ROBO1: variants seen among roughly 807,000 people sequenced by gnomAD.
ROBO1 encodes the protein roundabout homolog 1.
In ROBO1, 149 loss-of-function variants were observed where a neutral mutation model predicts 195.9. That is an observed-to-expected ratio of 0.76 (90% CI 0.67 to 0.87). The LOEUF (loss-of-function observed/expected upper bound fraction) is 0.87. Ranked by LOEUF, ROBO1 falls within the 40% of genes least tolerant of loss-of-function variation. The pLI is 0.00. For synonymous variants in ROBO1, 816 were observed against 733.2 expected (o/e 1.11, Z -1.82); for missense variants, 1,933 against 2,068.3 (o/e 0.93, Z 1.27).
intron 4 of ROBO1, among the ~76,000 whole-genome samples, chr3:78,765,129 C>T (rs6774692): frequency 0.047 from 7,137 of 151,982 alleles, 553 homozygotes; most frequent in African/African-American, 0.16. Context: ...AGCACGTCAC[C>T]ATCAATTTTC....
chr3:79,718,363 G>A (rs781547522), intron 1 of ROBO1, among the ~76,000 whole-genome samples: 2 of 151,752 alleles, frequency 1.3e-5, no homozygotes, highest in Admixed American at 6.6e-5. Context: ...ATTGTATATC[G>A]CTCCTGAAAT....
At chr3:79,367,855 T>A (rs2036035518) in intron 2 of ROBO1, among the ~76,000 whole-genome samples, 1 of 152,212 alleles carries the variant, frequency 6.6e-6, no homozygotes, top group African/African-American at 2.4e-5. Context: ...TATACAGGGA[T>A]CGTGCTTGTT....
At chr3:78,961,568 T>G (rs371127224) in intron 3 of ROBO1, among the ~76,000 whole-genome samples, 10 of 152,268 alleles carry the variant, frequency 6.6e-5, no homozygotes, top group South Asian at 4.2e-4. Flanking sequence ...CCCACAACAT[T>G]CTGAAGTGGG....
chr3:78,853,466 T>TGC (rs1258604543), intron 4 of ROBO1, among the ~76,000 whole-genome samples: 1 of 147,426 alleles, frequency 6.8e-6, no homozygotes, highest in Non-Finnish European at 1.5e-5. Flanking sequence ...GTGTGGGGTG[T>TGC]GTGTGTGTGT....
chr3:79,454,224 A>T (rs1378937580), intron 2 of ROBO1, among the ~76,000 whole-genome samples: 5 of 151,708 alleles, frequency 3.3e-5, no homozygotes, highest in Non-Finnish European at 7.4e-5. Context: ...AAATGATTTC[A>T]TTACATGAAG....
chr3:79,762,623 C>CACACACACACACAT lies in ROBO1; in HGVS notation c.-51+5128_-51+5129insATGTGTGTGTGTGT, dbSNP rs1704768091. Among the ~76,000 whole-genome samples the CACACACACACACAT allele has an allele frequency of 3.4e-5, 5 of 148,086 alleles. No homozygotes were observed. The South Asian group carries it at 1.1e-3, about 32-fold the overall frequency. The stretch of plus-strand genomic sequence containing the variant: ...AATTCTGGACAAACACACACACACA[C>CACACACACACACAT]ACACACACAAAAGCCGAGAGGAATG... On this transcript the variant is annotated intron_variant, in intron 1 of 30. Transcript: ENST00000464233.
chr3:78,961,473 C>G (rs891959940), intron 3 of ROBO1, among the ~76,000 whole-genome samples: 17 of 152,276 alleles, frequency 1.1e-4, no homozygotes, highest in African/African-American at 4.1e-4. Context: ...TTTAAATTAT[C>G]TCATTTATCT....
intron 3 of ROBO1, among the ~76,000 whole-genome samples, chr3:79,112,390 G>A (rs532427824): frequency 2.8e-4 from 43 of 152,196 alleles, no homozygotes; most frequent in Non-Finnish European, 5.3e-4. Context: ...GGAAGTAACC[G>A]CCACTGAAAT....
intron 4 of ROBO1, among the ~76,000 whole-genome samples, chr3:78,900,809 A>G (rs2037539585): frequency 6.6e-6 from 1 of 152,196 alleles, no homozygotes; most frequent in South Asian, 2.1e-4. Context: ...ATAAATTTAA[A>G]TGTTACTTTT....
intron 2 of ROBO1, among the ~76,000 whole-genome samples, chr3:79,547,760 T>C (rs7623617): frequency 0.58 from 87,555 of 151,990 alleles, 26,691 homozygotes; most frequent in African/African-American, 0.79. Flanking sequence ...TTGTTAGGAT[T>C]GTGGGAATCC....
At chr3:79,274,268 A>AT (rs949444607) in intron 2 of ROBO1, among the ~76,000 whole-genome samples, 6 of 151,050 alleles carry the variant, frequency 4.0e-5, no homozygotes, top group African/African-American at 7.3e-5. Flanking sequence ...GTTAGGCCAC[A>AT]TTTTTTTTTA....
At chr3:79,755,088 C>A (rs1351826010) in intron 1 of ROBO1, among the ~76,000 whole-genome samples, 4 of 152,162 alleles carry the variant, frequency 2.6e-5, no homozygotes, top group South Asian at 2.1e-4. Context: ...CCATGTTGGT[C>A]AGGCTATTCT....
chr3:79,320,435 C>T lies in ROBO1; in HGVS notation c.89-194896G>A, dbSNP rs535784810. Among the ~76,000 whole-genome samples, 75 of 152,252 alleles carry T rather than the reference C, an allele frequency of 4.9e-4. No homozygotes were observed. The South Asian group carries it at 0.015, about 31-fold the overall frequency. On this transcript the variant is annotated intron_variant, in intron 2 of 30. Coordinates refer to ENST00000464233, the MANE Select transcript of ROBO1 (RefSeq NM_002941.4). ...CCTTGACCTCCTGGGCTCAAGTCAT[C>T]CTCCCACCTCAGCCCCTGAGTAGCT...
intron 3 of ROBO1, among the ~76,000 whole-genome samples, chr3:78,992,245 A>G (rs989444713): frequency 6.6e-6 from 1 of 152,202 alleles, no homozygotes; most frequent in Non-Finnish European, 1.5e-5. Context: ...AAGTGATACC[A>G]ATCCTGGATC....
chr3:79,095,483 A>C (rs1052150176), intron 3 of ROBO1, among the ~76,000 whole-genome samples: 1 of 151,982 alleles, frequency 6.6e-6, no homozygotes, highest in Non-Finnish European at 1.5e-5. Context: ...TATGTGAGTG[A>C]GTCTTCCTGG....
intron 2 of ROBO1, among the ~76,000 whole-genome samples, chr3:79,454,062 A>G (rs1361738384): frequency 1.3e-5 from 2 of 152,024 alleles, no homozygotes; most frequent in South Asian, 2.1e-4. Context: ...ACTCTTATCT[A>G]TAGTCTAATT....
At chr3:79,389,875 T>C (rs746456696) in intron 2 of ROBO1, among the ~76,000 whole-genome samples, 9 of 152,158 alleles carry the variant, frequency 5.9e-5, no homozygotes, top group South Asian at 2.1e-4. Context: ...TGAAACAAGA[T>C]GCTTGGGACA....
In ROBO1 at chr3:79,660,837, C is replaced by T. The variant is rs148615518; in HGVS notation, c.-50-70876G>A. On this transcript the variant is annotated intron_variant, in intron 1 of 30. Transcript: ENST00000464233. ...AAGCAGACTCCTCAGAAGTCAGAGT[C>T]TGTGTTATGCCACGTAGTTACCAAG... Among the ~76,000 whole-genome samples, 391 of 152,180 alleles carry T rather than the reference C, an allele frequency of 2.6e-3. 5 individuals carry two copies. The highest frequency in any genetic ancestry group is 8.2e-3 in the African/African-American group (339 of 41,536).
intron 3 of ROBO1, among the ~76,000 whole-genome samples, chr3:78,969,728 C>T (rs1245467853): frequency 6.6e-6 from 1 of 152,116 alleles, no homozygotes; most frequent in Non-Finnish European, 1.5e-5. Flanking sequence ...TGAAGTTTGA[C>T]TTTCAAAAAA....
Sources: gnomAD v4.1 joint callset for allele counts (sites outside exome capture counted in the v4.1 genomes callset) on GRCh38, gnomAD v4.1.1 for gene constraint, MANE v1.5 for transcripts, NCBI Gene and HGNC (gene_info 2026-07-23, HGNC 2026-07-21) for gene names.